Variants in TMC1 observed in about 807,000 individuals in gnomAD.
The protein encoded by TMC1 is transmembrane channel like 1, also known as transmembrane channel-like protein 1.
In TMC1, 84 loss-of-function variants were observed where a neutral mutation model predicts 105.8. The observed-to-expected ratio is 0.79, with a 90% CI of 0.67 to 0.95. The LOEUF (loss-of-function observed/expected upper bound fraction) is 0.95, where lower values mean the gene tolerates loss of function less well. TMC1 is among the 40% of genes least tolerant of loss of function. The pLI, the probability that TMC1 is intolerant of heterozygous loss-of-function variation, is 0.00. For missense variants in TMC1, 817 were observed against 914.1 expected, an observed-to-expected ratio of 0.89 and a Z score of 1.37; for synonymous variants, 315 against 311.5, an observed-to-expected ratio of 1.01 and a Z score of -0.12.
chr9:72,716,637 C>A (rs1185242410), intron 8 of TMC1, among the ~76,000 whole-genome samples: 1 of 152,150 alleles, frequency 6.6e-6, no homozygotes, highest in South Asian at 2.1e-4. Context: ...CATGCCAGAT[C>A]GAGCTCAGAT....
intron 8 of TMC1, among the ~76,000 whole-genome samples, chr9:72,726,625 T>C (rs1238144034): frequency 7.2e-5 from 11 of 152,228 alleles, no homozygotes; most frequent in Non-Finnish European, 1.3e-4. Flanking sequence ...CTGGTAGTCC[T>C]AGTGATTTGC....
At chr9:72,581,076 T>C (rs564775128) in intron 2 of TMC1, among the ~76,000 whole-genome samples, 1 of 152,330 alleles carries the variant, frequency 6.6e-6, no homozygotes, top group South Asian at 2.1e-4. Flanking sequence ...TCAAAAGAAT[T>C]TTTATGCTAT....
At chr9:72,672,538 T>C (rs569454170) in intron 5 of TMC1, among the ~76,000 whole-genome samples, 13 of 151,890 alleles carry the variant, frequency 8.6e-5, no homozygotes, top group Non-Finnish European at 1.6e-4. Flanking sequence ...ATATTGCCAC[T>C]TGCAGTATAA....
Position 72,821,224 on chromosome 9 carries a change from T to C in TMC1, c.2003+143T>C. On this transcript the variant is annotated intron_variant, in intron 20 of 23. Transcript: ENST00000297784. ...GAAATGAGATCCCGGCTGGGCGCAG[T>C]GGCTCATGCCTGTAATCCCAGCACT... 6 of 1,291,520 alleles carry C rather than the reference T, an allele frequency of 4.6e-6. No homozygotes were observed. In the South Asian group the frequency reaches 6.0e-5, roughly 13 times the overall value. The allele number at this position is 1,291,520 out of a possible 1,614,324, so 80.0% of individuals were successfully genotyped here.
intron 8 of TMC1, among the ~76,000 whole-genome samples, chr9:72,711,291 G>A (rs1366487864): frequency 6.6e-6 from 1 of 152,168 alleles, no homozygotes; most frequent in African/African-American, 2.4e-5. Context: ...CCAGTAATGG[G>A]ATGGCTGGGT....
intron 1 of TMC1, among the ~76,000 whole-genome samples, chr9:72,568,068 A>G (rs1259161133): frequency 1.5e-5 from 2 of 137,816 alleles, no homozygotes; most frequent in South Asian, 2.4e-4. Flanking sequence ...GCTGCCCTCA[A>G]TGATTTTTTT....
intron 21 of TMC1, among the ~76,000 whole-genome samples, chr9:72,828,264 A>C (rs1222223270): frequency 6.6e-6 from 1 of 152,202 alleles, no homozygotes; most frequent in Non-Finnish European, 1.5e-5. Flanking sequence ...TTAGAAAATG[A>C]CCTACTGAAT....
intron 4 of TMC1, among the ~76,000 whole-genome samples, chr9:72,635,009 C>T (rs972872708): frequency 1.3e-5 from 2 of 152,116 alleles, no homozygotes; most frequent in African/African-American, 4.8e-5. Context: ...GTAATCCCCG[C>T]ACATTGGGAG....
intron 17 of TMC1, among the ~76,000 whole-genome samples, chr9:72,796,103 G>A (rs984021407): frequency 6.6e-6 from 1 of 151,708 alleles, no homozygotes; most frequent in Admixed American, 6.6e-5. Flanking sequence ...GGCAAAGAAG[G>A]GCATTACATA....
Position 72,649,308 on chromosome 9 carries a change from T to C in TMC1, c.16+644T>C, listed in dbSNP as rs1357395993. On this transcript the variant is annotated intron_variant, in intron 5 of 23. Transcript: ENST00000297784. ...CATTTATGTAGCTTACACTTGGATC[T>C]ATTTTCAACAACATTTCAGTTCCCT... is the stretch of plus-strand genomic sequence containing the variant. 3.3e-5 allele frequency among the ~76,000 whole-genome samples: 5 copies of C among 152,218 alleles called. No homozygotes were observed. The East Asian group carries it at 9.6e-4, about 29-fold the overall frequency.
chr9:72,593,617 C>A (rs1367389226), intron 2 of TMC1, among the ~76,000 whole-genome samples: 1 of 151,720 alleles, frequency 6.6e-6, no homozygotes, highest in East Asian at 1.9e-4. Context: ...GTCTTGAACG[C>A]CCGATCTCAG....
intron 6 of TMC1, among the ~76,000 whole-genome samples, chr9:72,691,169 C>T (rs1211234888): frequency 6.6e-6 from 1 of 152,052 alleles, no homozygotes; most frequent in Non-Finnish European, 1.5e-5. Flanking sequence ...TTGTACTCTT[C>T]AATATTTATC....
chr9:72,826,905 C>T lies in TMC1; in HGVS notation c.2040C>T (p.Thr680=), dbSNP rs1828965859. The change falls in exon 21 of 24, where the codon ACC becomes ACT. Residue 680 remains threonine, a synonymous_variant. Coordinates refer to ENST00000297784, the MANE Select transcript of TMC1 (RefSeq NM_138691.3). ...KNRMFEVIGE[T]LEHDFPSWMA... is the part of the protein sequence containing the mutation. ...GAATGTTTGAAGTCATTGGAGAGAC[C>T]CTGGAGCACGATTTCCCAAGCTGGA... 6.2e-7 allele frequency: 1 copy of T among 1,614,014 alleles called. No individual in the cohort carries two copies. The highest frequency in any genetic ancestry group is 8.5e-7 in the Non-Finnish European group (1 of 1,179,944).
At chr9:72,800,412 A>G (rs991095319) in intron 17 of TMC1, among the ~76,000 whole-genome samples, 7 of 152,192 alleles carry the variant, frequency 4.6e-5, no homozygotes, top group Admixed American at 4.6e-4. Flanking sequence ...ACAAGCAAAA[A>G]CATCTACTGA....
At chr9:72,632,250 G>A (rs932812947) in intron 4 of TMC1, among the ~76,000 whole-genome samples, 1 of 152,106 alleles carries the variant, frequency 6.6e-6, no homozygotes, top group African/African-American at 2.4e-5. Flanking sequence ...GATCTTATGT[G>A]AACTCAGAGT....
At chr9:72,773,354 G>A (rs1178522352) in intron 13 of TMC1, among the ~76,000 whole-genome samples, 1 of 152,060 alleles carries the variant, frequency 6.6e-6, no homozygotes, top group Non-Finnish European at 1.5e-5. Context: ...ATTGTAGGAG[G>A]TCCCTCAGCC....
chr9:72,733,102 G>A (rs1827241392), intron 8 of TMC1, among the ~76,000 whole-genome samples: 1 of 152,112 alleles, frequency 6.6e-6, no homozygotes, highest in Admixed American at 6.5e-5. Flanking sequence ...TTGTCCAAGT[G>A]TAACATTTTA....
intron 15 of TMC1, among the ~76,000 whole-genome samples, chr9:72,790,270 T>C (rs1379210129): frequency 2.6e-5 from 4 of 152,148 alleles, no homozygotes; most frequent in African/African-American, 9.7e-5. Context: ...TTCTAAAAAA[T>C]CTTGGACAGC....
At chr9:72,543,446 C>T (rs1587947179) in intron 1 of TMC1, among the ~76,000 whole-genome samples, 1 of 152,192 alleles carries the variant, frequency 6.6e-6, no homozygotes, top group South Asian at 2.1e-4. Flanking sequence ...TCTGACTCCC[C>T]TCTGATCAAT....
Sources: allele counts gnomAD v4.1 joint callset (sites outside exome capture counted in the v4.1 genomes callset), GRCh38; gene constraint gnomAD v4.1.1; transcripts MANE v1.5; gene names NCBI Gene and HGNC (gene_info 2026-07-23, HGNC 2026-07-21).